The following UBE4B variants were observed in gnomAD, a reference collection of about 807,000 sequenced individuals.
UBE4B encodes ubiquitination factor E4B.
In UBE4B, 27 loss-of-function variants were observed where a neutral mutation model predicts 148.1. That is an observed-to-expected ratio of 0.18 (90% CI 0.13 to 0.25). UBE4B has a LOEUF of 0.25. Among genes scored for constraint, UBE4B ranks in the 10% least tolerant of loss-of-function variants. The probability of loss-of-function intolerance (pLI) is 1.00; values close to 1 mark genes in which losing one functional copy is unlikely to be tolerated. For missense variants in UBE4B, 1,170 were observed against 1,662.4 expected, an observed-to-expected ratio of 0.70 and a Z score of 5.15; for synonymous variants, 596 against 619.3, an observed-to-expected ratio of 0.96 and a Z score of 0.56.
At chr1:10,156,873 C>T (rs1646081346) in intron 21 of UBE4B, among the ~76,000 whole-genome samples, 2 of 151,996 alleles carry the variant, frequency 1.3e-5, no homozygotes, top group African/African-American at 4.8e-5. Context: ...TTGGAAAATA[C>T]AGAAAATATC....
chr1:10,108,237 T>G (rs1645154604), intron 7 of UBE4B, among the ~76,000 whole-genome samples: 1 of 141,392 alleles, frequency 7.1e-6, no homozygotes, highest in African/African-American at 2.6e-5. Flanking sequence ...GAGCTCAGTC[T>G]GGGCAATCCA....
At position 10,132,497 on chromosome 1, in the gene UBE4B, G is replaced by A. The variant is rs1202068049; in HGVS notation, c.2025+15G>A. ...CACAGATGCAGGTAGGATTCCTACA[G>A]ACTGCTTTTCGCTGTTTGTCAAATT... On this transcript the variant is annotated intron_variant, in intron 15 of 27. Transcript: ENST00000343090. 6.2e-7 allele frequency: 1 copy of A among 1,606,972 alleles called. No homozygotes were observed.
At position 10,179,571 on chromosome 1, in the gene UBE4B, G is replaced by A. The variant is rs977844284; in HGVS notation, c.3847+9G>A. 6.2e-7 allele frequency: 1 copy of A among 1,612,192 alleles called. No homozygotes were observed. The highest frequency in any genetic ancestry group is 1.7e-5 in the Admixed American group (1 of 60,002). ...GAGCATGCTGGAACCAGGTAGAGGA[G>A]GGTGCAGTTTGAGGTGCAGCGCTGG... On this transcript the variant is annotated intron_variant, in intron 27 of 27. Transcript: ENST00000343090.
At chr1:10,162,062 G>A (rs1001388580) in intron 23 of UBE4B, among the ~76,000 whole-genome samples, 6 of 150,592 alleles carry the variant, frequency 4.0e-5, no homozygotes, top group Non-Finnish European at 7.4e-5. Flanking sequence ...ACAGTGGTGC[G>A]ATCTCTTCTC....
rs573130408 is a variant in UBE4B, at chr1:10,094,475, C to T, written c.212-986C>T. ...TTTAGACGGAGTCTTGCTCTGTTGC[C>T]CAGGCTGGAGTGCAATGGCGCAATC... On this transcript the variant is annotated intron_variant, in intron 2 of 27. Coordinates refer to ENST00000343090, the MANE Select transcript of UBE4B (RefSeq NM_001105562.3). 3.3e-5 allele frequency among the ~76,000 whole-genome samples: 5 copies of T among 151,536 alleles called. No individual in the cohort carries two copies. The South Asian group carries it at 1.0e-3, about 32-fold the overall frequency.
chr1:10,116,583 T>C (rs1459777079), intron 7 of UBE4B, among the ~76,000 whole-genome samples: 1 of 152,246 alleles, frequency 6.6e-6, no homozygotes, highest in Non-Finnish European at 1.5e-5. Context: ...AATCCGTTTG[T>C]GAGTTAAACA....
At chr1:10,138,911 T>TATTA (rs1162377739) in intron 17 of UBE4B, among the ~76,000 whole-genome samples, 6 of 152,384 alleles carry the variant, frequency 3.9e-5, no homozygotes, top group African/African-American at 1.4e-4. Flanking sequence ...GGTTTTCTGT[T>TATTA]ATTAAACCAG....
At chr1:10,117,999 G>C (rs1645342244) in intron 8 of UBE4B, among the ~76,000 whole-genome samples, 2 of 152,212 alleles carry the variant, frequency 1.3e-5, no homozygotes, top group Non-Finnish European at 2.9e-5. Flanking sequence ...CAGTTGCTCT[G>C]TTAGTGCAGT....
At chr1:10,035,474 G>A (rs1643479957) in intron 1 of UBE4B, among the ~76,000 whole-genome samples, 1 of 127,552 alleles carries the variant, frequency 7.8e-6, no homozygotes, top group Non-Finnish European at 1.6e-5. Flanking sequence ...TCAGCTCACT[G>A]CAAGCTCTGC....
At chr1:10,035,148 G>A (rs919321103) in intron 1 of UBE4B, among the ~76,000 whole-genome samples, 3 of 151,350 alleles carry the variant, frequency 2.0e-5, no homozygotes, top group African/African-American at 7.3e-5. Flanking sequence ...ACAGGCGCCC[G>A]CTACCACGCC....
intron 1 of UBE4B, among the ~76,000 whole-genome samples, chr1:10,037,546 G>A (rs116287312): frequency 0.017 from 2,633 of 152,070 alleles, 37 homozygotes; most frequent in Non-Finnish European, 0.027. Context: ...TCTCAAGGTG[G>A]TGCTGTGAGT....
chr1:10,151,584 A>G (rs1645976119), intron 21 of UBE4B, 23 bp downstream of exon 21: 1 of 1,599,332 alleles, frequency 6.3e-7, no homozygotes, highest in Admixed American at 1.7e-5. Context: ...AACACAGTGT[A>G]GCACATGGCA....
chr1:10,149,072 G>A (rs889831914), intron 19 of UBE4B, 112 bp from the exon 20 acceptor site: 1 of 738,032 alleles, frequency 1.4e-6, no homozygotes. Context: ...TAGTATTACA[G>A]AATGATTTTC....
At chr1:10,063,647 G>C (rs1644329642) in intron 1 of UBE4B, among the ~76,000 whole-genome samples, 1 of 152,172 alleles carries the variant, frequency 6.6e-6, no homozygotes, top group African/African-American at 2.4e-5. Flanking sequence ...GCTAATGCCT[G>C]TAATTCCAAC....
rs958915584 is a variant in UBE4B, at chr1:10,179,785, A to G, written c.3848-110A>G. 1.6e-5 allele frequency: 24 copies of G among 1,458,806 alleles called. No individual in the cohort carries two copies. The African/African-American group carries it at 1.8e-4, about 11-fold the overall frequency. 90.4% of individuals were successfully genotyped at this position (1,458,806 alleles called of 1,614,324 possible). ...CAGTCCTTCTGGAGTCTTCGGCTCAATGAGGGAAAGAATGGCCTTTTCTTC... is the reference window on the plus strand; with the variant it reads ...CAGTCCTTCTGGAGTCTTCGGCTCAGTGAGGGAAAGAATGGCCTTTTCTTC... On this transcript the variant is annotated intron_variant, in intron 27 of 27. Coordinates refer to ENST00000343090, the MANE Select transcript of UBE4B (RefSeq NM_001105562.3).
intron 2 of UBE4B, among the ~76,000 whole-genome samples, chr1:10,079,847 A>C (rs1035075686): frequency 6.6e-6 from 1 of 152,126 alleles, no homozygotes; most frequent in African/African-American, 2.4e-5. Context: ...TAACATGTTG[A>C]CTCAAATGGT....
intron 24 of UBE4B, among the ~76,000 whole-genome samples, chr1:10,169,815 G>C (rs1344895818): frequency 6.6e-6 from 1 of 152,210 alleles, no homozygotes. Flanking sequence ...AGGAGTTCCA[G>C]ACCAGCCTGG....
chr1:10,071,859 T>C (rs1050636287), intron 1 of UBE4B, among the ~76,000 whole-genome samples, 169 bp from the exon 2 acceptor site: 4 of 152,112 alleles, frequency 2.6e-5, no homozygotes, highest in African/African-American at 9.7e-5. Flanking sequence ...ACTCAAGTGA[T>C]AGAGCTTGTA....
intron 1 of UBE4B, among the ~76,000 whole-genome samples, chr1:10,044,014 A>G (rs1485498093): frequency 2.0e-5 from 3 of 151,764 alleles, no homozygotes; most frequent in African/African-American, 7.3e-5. Flanking sequence ...TTGTTGGGGG[A>G]GTGACCACAA....
Sources: gnomAD v4.1 joint callset for allele counts (sites outside exome capture counted in the v4.1 genomes callset) on GRCh38, gnomAD v4.1.1 for gene constraint, MANE v1.5 for transcripts, NCBI Gene and HGNC (gene_info 2026-07-23, HGNC 2026-07-21) for gene names.